The following NOS1 variants were observed in gnomAD, a reference collection of about 807,000 sequenced individuals.
NOS1 encodes the protein nitric oxide synthase 1.
NOS1 carries 51 observed loss-of-function variants against 164.5 expected under a neutral mutation model. That is an observed-to-expected ratio of 0.31 (90% CI 0.25 to 0.39). NOS1 has a LOEUF of 0.39. Among genes scored for constraint, NOS1 ranks in the 10% least tolerant of loss-of-function variants. NOS1 has a pLI of 1.00. For missense variants in NOS1, 1,362 were observed against 1,885.6 expected, an observed-to-expected ratio of 0.72 and a Z score of 5.14; for synonymous variants, 719 against 745.8, an observed-to-expected ratio of 0.96 and a Z score of 0.59.
At chr12:117,259,181 G>A (rs774669362) in intron 14 of NOS1, 51 bp from the exon 15 acceptor site, 1 of 1,257,866 alleles carries the variant, frequency 7.9e-7, no homozygotes, top group Non-Finnish European at 1.2e-6. Flanking sequence ...AAGGGGATGA[G>A]GAGAGAAAAG....
rs982107291 is a variant in NOS1, at chr12:117,215,106, T to C, written c.*203A>G. The stretch of plus-strand genomic sequence containing the variant: ...AGAGCCACTGCAGATTAGAAAAGCA[T>C]TGCATCGCAGCAGGAAAACTCAAGG... On this transcript the variant is annotated 3_prime_UTR_variant, in exon 29 of 29. Coordinates refer to ENST00000317775, the MANE Select transcript of NOS1 (RefSeq NM_000620.5). The C allele has an allele frequency of 4.7e-6, 6 of 1,269,576 alleles. No homozygotes were observed. The highest frequency in any genetic ancestry group is 5.0e-6 in the Non-Finnish European group (5 of 1,001,626). The allele number at this position is 1,269,576 out of a possible 1,614,324, so 78.6% of individuals were successfully genotyped here. A position where few individuals can be genotyped will look rare whatever the true frequency, so the allele number is the denominator to read the frequency against.
At chr12:117,306,624 C>CTT (rs200468759) in intron 3 of NOS1, among the ~76,000 whole-genome samples, 51 of 144,126 alleles carry the variant, frequency 3.5e-4, no homozygotes, top group African/African-American at 1.0e-3. Flanking sequence ...ACAACCACTC[C>CTT]TTTTTTTTTT....
At chr12:117,325,744 C>T (rs563109455) in intron 2 of NOS1, among the ~76,000 whole-genome samples, 6 of 152,312 alleles carry the variant, frequency 3.9e-5, no homozygotes, top group South Asian at 2.1e-4. Flanking sequence ...ACCAAGGCGA[C>T]GCTGCTCATG....
At position 117,272,633 on chromosome 12, in the gene NOS1, C is replaced by A; in HGVS notation, c.1665-74G>T. 1.4e-6 allele frequency: 2 copies of A among 1,417,134 alleles called. No homozygotes were observed. Among genetic ancestry groups the A allele is most frequent in the Non-Finnish European group, 1.9e-6 (2 of 1,028,078 alleles). 87.8% of individuals were successfully genotyped at this position (1,417,134 alleles called of 1,614,324 possible). On this transcript the variant is annotated intron_variant, in intron 9 of 28. Coordinates refer to ENST00000317775, the MANE Select transcript of NOS1 (RefSeq NM_000620.5). The surrounding 1 kb of genome is among the most constrained non-coding windows in gnomAD (Gnocchi z 4.3). ...GCGGGACAGCTTGAATCTAGAGATG[C>A]TGAAATGCCAAGGATGGACTGGGAC...
chr12:117,297,834 T>C (rs2136037078), intron 3 of NOS1, among the ~76,000 whole-genome samples: 1 of 152,062 alleles, frequency 6.6e-6, no homozygotes, highest in South Asian at 2.1e-4. Flanking sequence ...CACCTGCCCT[T>C]CCCTAGTAGT....
In NOS1 at chr12:117,272,138, G is replaced by A. The variant is rs1373680781; in HGVS notation, c.1839+247C>T. On this transcript the variant is annotated intron_variant, in intron 10 of 28. Coordinates refer to ENST00000317775, the MANE Select transcript of NOS1 (RefSeq NM_000620.5). The surrounding 1 kb of genome is among the most constrained non-coding windows in gnomAD (Gnocchi z 4.3). ...TTCAGGTGAGGATGAAATGAGAATG[G>A]AACACAGCAACAGTGCTTCGGATGC... Among the ~76,000 whole-genome samples, 1 of 152,190 alleles carries A rather than the reference G, an allele frequency of 6.6e-6. No homozygotes were observed. The highest frequency in any genetic ancestry group is 1.5e-5 in the Non-Finnish European group (1 of 68,036).
intron 1 of NOS1, among the ~76,000 whole-genome samples, chr12:117,352,687 A>T (rs1278614607): frequency 2.0e-5 from 3 of 152,226 alleles, no homozygotes; most frequent in Admixed American, 2.0e-4. Flanking sequence ...GCTAAACTGC[A>T]GGATTATTTC....
chr12:117,232,007 T>C lies in NOS1; in HGVS notation c.3360A>G (p.Leu1120=). 1 of 1,612,820 alleles carries C rather than the reference T, an allele frequency of 6.2e-7. No individual in the cohort carries two copies. Among genetic ancestry groups the C allele is most frequent in the Non-Finnish European group, 8.5e-7 (1 of 1,179,956 alleles). The part of the protein sequence containing the change: ...TPLQLQQFAS[L]ATSEKEKQRL... ...GCTGCTTCTCCTTCTCGCTGGTAGC[T>C]AGGGAGGCAAACTGCTGCAGCTGCA... The change falls in exon 22 of 29, where the codon CTA becomes CTG. Residue 1120 remains leucine, a synonymous_variant. Transcript: ENST00000317775.
In NOS1 at chr12:117,295,615, C is replaced by CTTTT. The variant is rs33913257; in HGVS notation, c.853-5193_853-5190dup. 6.5e-4 allele frequency among the ~76,000 whole-genome samples: 68 copies of CTTTT among 105,102 alleles called. 1 individual carries two copies. Among genetic ancestry groups the CTTTT allele is most frequent in the Non-Finnish European group, 8.0e-4 (44 of 54,770 alleles). The allele number at this position is 105,102 out of a possible 152,430, so 69.0% of individuals were successfully genotyped here. A position where few individuals can be genotyped will look rare whatever the true frequency, so the allele number is the denominator to read the frequency against. On this transcript the variant is annotated intron_variant, in intron 3 of 28. Coordinates refer to ENST00000317775, the MANE Select transcript of NOS1 (RefSeq NM_000620.5). ...ATGTTAGAGATCTTTCCTGATCATT[C>CTTTT]TTTTTTTTTTTTTTTTTTTTGAGAC...
rs1280991291 is a variant in NOS1, at chr12:117,356,864, T to C, written c.-421+4648A>G. Among the ~76,000 whole-genome samples the C allele has an allele frequency of 6.6e-6, 1 of 152,206 alleles. No homozygotes were observed. Among genetic ancestry groups the C allele is most frequent in the Admixed American group, 6.5e-5 (1 of 15,274 alleles). ...CATTCTTCCACCTTAAGAATGGGCATGTGAGCAACATAAACACACTTGCAA... is the reference window on the plus strand; with the variant it reads ...CATTCTTCCACCTTAAGAATGGGCACGTGAGCAACATAAACACACTTGCAA... On this transcript the variant is annotated intron_variant, in intron 1 of 28. Transcript: ENST00000317775. This position sits in a 1 kb window ranked among gnomAD's most constrained non-coding sequence, Gnocchi z 4.2.
At position 117,227,411 on chromosome 12, in the gene NOS1, C is replaced by T; in HGVS notation, c.3616+20G>A. 1.2e-6 allele frequency: 2 copies of T among 1,612,652 alleles called. No homozygotes were observed. The highest frequency in any genetic ancestry group is 1.1e-5 in the South Asian group (1 of 90,932). On this transcript the variant is annotated intron_variant, in intron 23 of 28. Transcript: ENST00000317775. ...GGGGGAAAATGCAGCTGAGGAGGCT[C>T]TCCCAGTGCCTCCGCCCACCTCGAG...
chr12:117,345,745 A>G (rs1349604826), intron 1 of NOS1, among the ~76,000 whole-genome samples: 1 of 152,226 alleles, frequency 6.6e-6, no homozygotes, highest in Non-Finnish European at 1.5e-5. Flanking sequence ...CTGTAATCCC[A>G]ACACTTTGGG....
chr12:117,349,134 C>A (rs73409551), intron 1 of NOS1, among the ~76,000 whole-genome samples: 1 of 152,346 alleles, frequency 6.6e-6, no homozygotes, highest in Admixed American at 6.5e-5. Context: ...CCCTTCTCCT[C>A]GCCCCCTGGC....
intron 27 of NOS1, 139 bp from the exon 28 acceptor site, chr12:117,218,303 C>T (rs1956643266): frequency 1.4e-6 from 1 of 708,126 alleles, no homozygotes; most frequent in African/African-American, 1.8e-5. Context: ...AGCCAGTGTC[C>T]CCGAGGTACC....
At chr12:117,297,188 G>C (rs1021581014) in intron 3 of NOS1, among the ~76,000 whole-genome samples, 1 of 152,218 alleles carries the variant, frequency 6.6e-6, no homozygotes, top group African/African-American at 2.4e-5. Context: ...TTGCAGGAGG[G>C]AGAGGGTCAA....
chr12:117,232,600 G>T (rs1869336955), intron 21 of NOS1, among the ~76,000 whole-genome samples: 1 of 152,132 alleles, frequency 6.6e-6, no homozygotes, highest in Middle Eastern at 3.4e-3. Flanking sequence ...AACAATCCAA[G>T]ACAGTGTTAT....
intron 1 of NOS1, among the ~76,000 whole-genome samples, chr12:117,354,289 C>T (rs898610191): frequency 2.0e-5 from 3 of 152,128 alleles, no homozygotes; most frequent in African/African-American, 7.2e-5. Flanking sequence ...AGCCAAGAAA[C>T]CCACCCAGTC....
At chr12:117,335,150 C>T (rs752580554) in intron 1 of NOS1, among the ~76,000 whole-genome samples, 3 of 152,162 alleles carry the variant, frequency 2.0e-5, no homozygotes, top group Non-Finnish European at 2.9e-5. Flanking sequence ...TAATAGATAA[C>T]GATTCGGACT....
intron 1 of NOS1, among the ~76,000 whole-genome samples, chr12:117,342,682 G>A (rs1033953361): frequency 1.3e-5 from 2 of 152,112 alleles, no homozygotes; most frequent in African/African-American, 4.8e-5. Flanking sequence ...AAGCATTGGA[G>A]GGTTTTGAGA....
Sources: gnomAD v4.1 joint callset for allele counts (sites outside exome capture counted in the v4.1 genomes callset) on GRCh38, gnomAD v4.1.1 for gene constraint, Gnocchi (gnomAD v3.1) non-coding constraint, MANE v1.5 for transcripts, NCBI Gene and HGNC (gene_info 2026-07-23, HGNC 2026-07-21) for gene names.